The following LAMA1 variants were observed in gnomAD, a reference collection of about 807,000 sequenced individuals.
LAMA1 encodes the protein laminin subunit alpha 1.
LAMA1 carries 219 observed loss-of-function variants against 348.7 expected under a neutral mutation model. The observed-to-expected ratio is 0.63, with a 90% CI of 0.56 to 0.70. The LOEUF (loss-of-function observed/expected upper bound fraction) is 0.70. Among genes scored for constraint, LAMA1 ranks in the 30% least tolerant of loss-of-function variants. The pLI is 0.00. For synonymous variants in LAMA1, 1,487 were observed against 1,491.0 expected (o/e 1.00, Z 0.06); for missense variants, 3,744 against 3,888.0 (o/e 0.96, Z 0.99).
chr18:6,973,213 G>A lies in LAMA1; in HGVS notation c.6624-6C>T. ...GTGAACCAATGTTTCCAAATCTAAG[G>A]GTTACAAAGAATTGCAAAAGAAATT... On this transcript the variant is annotated splice_region_variant and splice_polypyrimidine_tract_variant and intron_variant, in intron 46 of 62. Transcript: ENST00000389658. 2 of 1,613,860 alleles carry A rather than the reference G, an allele frequency of 1.2e-6. No individual in the cohort carries two copies. Among genetic ancestry groups the A allele is most frequent in the African/African-American group, 1.3e-5 (1 of 75,008 alleles).
chr18:7,006,585 G>A (rs961420701), intron 29 of LAMA1, among the ~76,000 whole-genome samples: 1 of 152,166 alleles, frequency 6.6e-6, no homozygotes, highest in South Asian at 2.1e-4. Flanking sequence ...TACTGCCTGA[G>A]AAATGCATCC....
chr18:7,116,809 T>C (rs2058358434), intron 1 of LAMA1, among the ~76,000 whole-genome samples: 1 of 149,756 alleles, frequency 6.7e-6, no homozygotes. Context: ...CTCTCTTTCT[T>C]TTCTCTTTCT....
intron 24 of LAMA1, 36 bp from the exon 25 acceptor site, chr18:7,011,515 A>G: frequency 1.3e-6 from 2 of 1,566,260 alleles, no homozygotes; most frequent in Non-Finnish European, 1.7e-6. Flanking sequence ...GCACTTCAAA[A>G]TGCGAACTTT....
In LAMA1 at chr18:7,002,372, T is replaced by A; in HGVS notation, c.4274A>T (p.Asn1425Ile). The part of the protein sequence containing the change: ...NTGKCLNCGD[N>I]TAGDHCDVCT... ...CACATCACAATGGTCACCTGCTGTG[T>A]TATCGCCACAGTTCTGGGAGCCCAC... The change falls in exon 30 of 63, where the codon AAC becomes ATC. Residue 1425 changes from asparagine to isoleucine, a missense_variant. By Grantham distance (149) the Asn-to-Ile change is moderately radical (BLOSUM62 -3). Coordinates refer to ENST00000389658, the MANE Select transcript of LAMA1 (RefSeq NM_005559.4). 6.2e-7 allele frequency: 1 copy of A among 1,613,664 alleles called. No individual in the cohort carries two copies. Among genetic ancestry groups the A allele is most frequent in the East Asian group, 2.2e-5 (1 of 44,874 alleles).
chr18:7,029,740 C>A (rs915253803), intron 16 of LAMA1, among the ~76,000 whole-genome samples: 1 of 152,102 alleles, frequency 6.6e-6, no homozygotes, highest in South Asian at 2.1e-4. Context: ...ACTGTGATGC[C>A]ATTCTCTTTT....
intron 36 of LAMA1, among the ~76,000 whole-genome samples, chr18:6,986,905 C>T (rs977032164): frequency 3.3e-5 from 5 of 152,112 alleles, no homozygotes; most frequent in African/African-American, 1.2e-4. Context: ...GATTAAGGTG[C>T]CTGCCATCAC....
intron 1 of LAMA1, among the ~76,000 whole-genome samples, chr18:7,083,010 C>T (rs1010172170): frequency 9.2e-5 from 14 of 151,956 alleles, no homozygotes; most frequent in South Asian, 2.1e-4. Flanking sequence ...GTCATGGAGG[C>T]ACCACACACT....
intron 29 of LAMA1, among the ~76,000 whole-genome samples, chr18:7,003,181 C>CAAAATTAATAAAAATTA (rs2057815706): frequency 6.6e-6 from 1 of 151,816 alleles, no homozygotes; most frequent in Admixed American, 6.6e-5. Context: ...CCCCATGTGG[C>CAAAATTAATAAAAATTA]ATTTCCAGTT....
rs150898549 is a variant in LAMA1, at chr18:7,113,167, G to A, written c.61+4493C>T. Among the ~76,000 whole-genome samples, 428 of 152,268 alleles carry A rather than the reference G, an allele frequency of 2.8e-3. 1 individual carries two copies. Among genetic ancestry groups the A allele is most frequent in the African/African-American group, 9.9e-3 (412 of 41,544 alleles). Reference sequence around the variant, plus strand: ...AGCAGGGAAAGCCCTGTGAGTACAGGGAAGGTTGTCTAACAAATACTTCAG... The same window carrying A: ...AGCAGGGAAAGCCCTGTGAGTACAGAGAAGGTTGTCTAACAAATACTTCAG... On this transcript the variant is annotated intron_variant, in intron 1 of 62. Transcript: ENST00000389658.
At position 7,009,293 on chromosome 18, in the gene LAMA1, T is replaced by A. The variant is rs1473510891; in HGVS notation, c.3947A>T (p.Asp1316Val). 6.2e-7 allele frequency: 1 copy of A among 1,613,536 alleles called. No homozygotes were observed. The highest frequency in any genetic ancestry group is 1.7e-5 in the Admixed American group (1 of 60,010). ...TREDFMSVLS[D>V]IEYILIKASY... Reference sequence around the variant, plus strand: ...TGCCTTGATGAGGATGTACTCAATATCGCTGAGGACAGACATAAAATCCTC... The same window carrying A: ...TGCCTTGATGAGGATGTACTCAATAACGCTGAGGACAGACATAAAATCCTC... Residue 1316 changes from aspartate to valine, a missense_variant, in exon 27 of 63, where the codon GAT (aspartate) becomes GTT (valine). Transcript: ENST00000389658.
In LAMA1 at chr18:7,043,377, G is replaced by T. The variant is rs1246995782; in HGVS notation, c.1005C>A (p.Asp335Glu). 1.2e-6 allele frequency: 2 copies of T among 1,613,656 alleles called. No individual in the cohort carries two copies. Among genetic ancestry groups the T allele is most frequent in the Non-Finnish European group, 1.7e-6 (2 of 1,179,980 alleles). ...TTGCAACACTTTCATCATAGTAACA[G>T]TCTTTGGCTTTATTGTGACAATTAC... ...EACNCHNKAK[D>E]CYYDESVAKQ... The change falls in exon 8 of 63, where the codon GAC becomes GAA. Residue 335 changes from aspartate (D) to glutamate (E), a missense_variant. This residue lies in a region of LAMA1 where 1,529 missense variants were observed against 1,689.4 expected (regional missense o/e 0.91). Coordinates refer to ENST00000389658, the MANE Select transcript of LAMA1 (RefSeq NM_005559.4).
rs527695102 is a variant in LAMA1, at chr18:7,023,930, C to T, written c.2489+450G>A. On this transcript the variant is annotated intron_variant, in intron 18 of 62. Transcript: ENST00000389658. ...CTCCACTCACTGCAACCTCCACCTC[C>T]CAGGTTCAAGTGATTCTCCTGCCTC... Among the ~76,000 whole-genome samples the T allele has an allele frequency of 2.0e-5, 3 of 152,282 alleles. No individual in the cohort carries two copies. The East Asian group carries it at 5.8e-4, about 29-fold the overall frequency.
Position 7,040,115 on chromosome 18 carries a change from A to G in LAMA1, c.1383T>C (p.Ser461=). The part of the protein sequence containing the change: ...CVSCGCNPVG[S]ASDEPCTGPC... Reference sequence around the variant, plus strand: ...GCCCTGTGCAGGGCTCATCACTGGCACTGCCCACTGGGTTGCACCCACAGG... The same window carrying G: ...GCCCTGTGCAGGGCTCATCACTGGCGCTGCCCACTGGGTTGCACCCACAGG... Residue 461 remains serine (S), a synonymous_variant, in exon 10 of 63, where the codon AGT becomes AGC. Transcript: ENST00000389658. 6.2e-7 allele frequency: 1 copy of G among 1,614,122 alleles called. No individual in the cohort carries two copies. Among genetic ancestry groups the G allele is most frequent in the African/African-American group, 1.3e-5 (1 of 75,028 alleles).
rs879433958 is a variant in LAMA1 at position 7,076,398 on chromosome 18, CTGAAAAACACT to C, written c.345+3566_345+3576del. On this transcript the variant is annotated intron_variant, in intron 3 of 62. Coordinates refer to ENST00000389658, the MANE Select transcript of LAMA1 (RefSeq NM_005559.4). ...AGAGGATGGCTGGTGATGTGGTCTT[CTGAAAAACACT>C]TAACTGGAATCTAATCAGGTCTCTA... is the stretch of plus-strand genomic sequence containing the variant. Among the ~76,000 whole-genome samples, 170 of 152,210 alleles carry C rather than the reference CTGAAAAACACT, an allele frequency of 1.1e-3. 1 individual carries two copies. The highest frequency in any genetic ancestry group is 2.1e-3 in the Non-Finnish European group (140 of 68,008).
intron 1 of LAMA1, among the ~76,000 whole-genome samples, chr18:7,111,415 A>T (rs1346783958): frequency 6.6e-6 from 1 of 152,208 alleles, no homozygotes; most frequent in Non-Finnish European, 1.5e-5. Flanking sequence ...AGTTAACCCA[A>T]AGAAAGCTCT....
chr18:7,016,598 T>C lies in LAMA1; in HGVS notation c.2882A>G (p.Asp961Gly), dbSNP rs776840507. ...ACACTGGCCTTCATCCGTGCAGCCATCTGACACGGAGCCTGCCACGCTGCA... is the reference window on the plus strand; with the variant it reads ...ACACTGGCCTTCATCCGTGCAGCCACCTGACACGGAGCCTGCCACGCTGCA... ...CNCSVAGSVSDGCTDEGQCHC... is the reference protein window; with the variant it reads ...CNCSVAGSVSGGCTDEGQCHC... Residue 961 changes from aspartate to glycine, a missense_variant, in exon 21 of 63, where the codon GAT becomes GGT. By Grantham distance (94) the Asp-to-Gly change is moderately conservative (BLOSUM62 -1). Coordinates refer to ENST00000389658, the MANE Select transcript of LAMA1 (RefSeq NM_005559.4). 1.8e-5 allele frequency: 29 copies of C among 1,614,026 alleles called. No homozygotes were observed. The highest frequency in any genetic ancestry group is 2.3e-5 in the Non-Finnish European group (27 of 1,180,040).
intron 10 of LAMA1, 34 bp from the exon 11 acceptor site, chr18:7,038,984 C>T: frequency 6.4e-7 from 1 of 1,561,034 alleles, no homozygotes. Flanking sequence ...GCTTTTGAAA[C>T]CAATGTGTCT....
chr18:6,971,549 G>C (rs559367554), intron 48 of LAMA1, among the ~76,000 whole-genome samples: 1 of 152,248 alleles, frequency 6.6e-6, no homozygotes, highest in Admixed American at 6.5e-5. Context: ...AGGAAAAAGA[G>C]CACTTCTTTT....
chr18:7,116,735 C>G (rs1314482683), intron 1 of LAMA1, among the ~76,000 whole-genome samples: 6 of 152,212 alleles, frequency 3.9e-5, no homozygotes, highest in Non-Finnish European at 5.9e-5. Context: ...CTAGGGGTGG[C>G]GTGGGTGACT....
Sources: allele counts gnomAD v4.1 joint callset (sites outside exome capture counted in the v4.1 genomes callset), GRCh38; gene constraint gnomAD v4.1.1; regional missense constraint gnomAD v4.1.1; transcripts MANE v1.5; gene names NCBI Gene and HGNC (gene_info 2026-07-23, HGNC 2026-07-21).